Variants in CTH observed in about 807,000 individuals in gnomAD.
CTH encodes the protein cystathionine gamma-lyase.
A neutral mutation model predicts 50.6 loss-of-function variants in CTH; 41 were observed. The observed-to-expected ratio is 0.81, with a 90% CI of 0.63 to 1.05. The LOEUF (loss-of-function observed/expected upper bound fraction) is 1.05. CTH is among the 50% of genes least tolerant of loss of function. The pLI is 0.00. For missense variants in CTH, 470 were observed against 492.6 expected (o/e 0.95, Z 0.43); for synonymous variants, 156 against 168.9 (o/e 0.92, Z 0.59).
At chr1:70,414,237 G>A (rs1684038921) in intron 1 of CTH, among the ~76,000 whole-genome samples, 1 of 151,772 alleles carries the variant, frequency 6.6e-6, no homozygotes, top group Admixed American at 6.6e-5. Context: ...GCTCAGGTTG[G>A]GCGCGGTGGC....
chr1:70,419,003 T>C (rs144558656), intron 3 of CTH, among the ~76,000 whole-genome samples: 11,650 of 119,878 alleles, frequency 0.097, 708 homozygotes, highest in East Asian at 0.33. Context: ...GTCCCTGGTG[T>C]GTGATGTTCC....
In CTH at chr1:70,421,549, A is replaced by T; in HGVS notation, c.347-17A>T. 3.7e-6 allele frequency: 6 copies of T among 1,610,536 alleles called. No individual in the cohort carries two copies. The highest frequency in any genetic ancestry group is 5.1e-6 in the Non-Finnish European group (6 of 1,176,932). On this transcript the variant is annotated splice_polypyrimidine_tract_variant and intron_variant, in intron 3 of 11. Transcript: ENST00000370938. ...TGCAATGTTCTTTTCATTTTATCTGATTCCCTTCTGTCTCAGGTACAAACA... is the reference window on the plus strand; with the variant it reads ...TGCAATGTTCTTTTCATTTTATCTGTTTCCCTTCTGTCTCAGGTACAAACA...
chr1:70,434,314 C>T (rs1005853449), intron 9 of CTH, among the ~76,000 whole-genome samples: 6 of 152,178 alleles, frequency 3.9e-5, no homozygotes, highest in African/African-American at 1.4e-4. Context: ...TTTCCAAACC[C>T]TGTGCCTCCT....
chr1:70,427,335 C>G (rs185197539), intron 5 of CTH, among the ~76,000 whole-genome samples: 6 of 152,070 alleles, frequency 3.9e-5, no homozygotes, highest in African/African-American at 1.4e-4. Context: ...TTTTCTTAGT[C>G]CCCTTTCCTC....
At chr1:70,420,096 G>A (rs955903825) in intron 3 of CTH, among the ~76,000 whole-genome samples, 4 of 151,304 alleles carry the variant, frequency 2.6e-5, no homozygotes, top group Non-Finnish European at 5.9e-5. Flanking sequence ...GGGTTCAAGC[G>A]ATTCTCCTGT....
At chr1:70,429,478 A>C (rs1475306914) in intron 5 of CTH, among the ~76,000 whole-genome samples, 1 of 152,212 alleles carries the variant, frequency 6.6e-6, no homozygotes, top group Non-Finnish European at 1.5e-5. Flanking sequence ...TACTGTAGGT[A>C]ATAAATTTAG....
intron 5 of CTH, among the ~76,000 whole-genome samples, chr1:70,427,171 T>C (rs1281288634): frequency 6.6e-6 from 1 of 152,206 alleles, no homozygotes; most frequent in East Asian, 1.9e-4. Flanking sequence ...ATTCTCTTTC[T>C]TCCCAGTCTT....
chr1:70,437,325 T>C (rs1281264891), intron 10 of CTH, among the ~76,000 whole-genome samples: 1 of 152,194 alleles, frequency 6.6e-6, no homozygotes, highest in Non-Finnish European at 1.5e-5. Flanking sequence ...ACATTCCAAG[T>C]GCTTAGAAGT....
At chr1:70,429,492 C>T (rs1489941121) in intron 5 of CTH, among the ~76,000 whole-genome samples, 4 of 152,090 alleles carry the variant, frequency 2.6e-5, no homozygotes, top group African/African-American at 4.8e-5. Flanking sequence ...AATTTAGAGT[C>T]CTGTCAGCAA....
At chr1:70,427,991 G>A (rs191247442) in intron 5 of CTH, among the ~76,000 whole-genome samples, 1 of 152,320 alleles carries the variant, frequency 6.6e-6, no homozygotes, top group Non-Finnish European at 1.5e-5. Flanking sequence ...GGGATTACAG[G>A]CGTGAACCAC....
chr1:70,436,305 G>C (rs1478608746), intron 10 of CTH, among the ~76,000 whole-genome samples: 1 of 152,110 alleles, frequency 6.6e-6, no homozygotes, highest in African/African-American at 2.4e-5. Context: ...TCCAGCCTGG[G>C]TGATGCAGCG....
chr1:70,418,020 G>T lies in CTH; in HGVS notation c.334G>T (p.Asp112Tyr). 1 of 1,614,106 alleles carries T rather than the reference G, an allele frequency of 6.2e-7. No homozygotes were observed. The highest frequency in any genetic ancestry group is 1.7e-4 in the Middle Eastern group (1 of 6,060). The change falls in exon 3 of 12, where the codon GAT becomes TAT. Residue 112 changes from aspartate to tyrosine, a missense_variant. Transcript: ENST00000370938. The part of the protein sequence containing the change: ...KAGDQIICMD[D>Y]VYGGTNRYFR... ...AGGAGACCAAATTATTTGTATGGAT[G>T]ATGTGTATGGAGGTAGGTGACCCCT...
intron 10 of CTH, among the ~76,000 whole-genome samples, chr1:70,437,050 G>C (rs1684613341): frequency 6.6e-6 from 1 of 152,150 alleles, no homozygotes; most frequent in African/African-American, 2.4e-5. Flanking sequence ...TGCAATATGG[G>C]AGGAAGGAAG....
intron 3 of CTH, among the ~76,000 whole-genome samples, chr1:70,418,920 C>G (rs1684153299): frequency 6.6e-6 from 1 of 151,586 alleles, no homozygotes; most frequent in African/African-American, 2.4e-5. Flanking sequence ...TTAAGAACTT[C>G]CCATTAACTC....
Position 70,439,410 on chromosome 1 carries a change from T to C in CTH, c.*283T>C, listed in dbSNP as rs1287177876. 4 of 399,560 alleles carry C rather than the reference T, an allele frequency of 1.0e-5. No homozygotes were observed. Among genetic ancestry groups the C allele is most frequent in the African/African-American group, 2.0e-5 (1 of 49,838 alleles). The allele number at this position is 399,560 out of a possible 1,614,324, so 24.8% of individuals were successfully genotyped here. ...TGTGCTACTTTGGGAGATTATGTTCTTTTTTCATGTCTAAGATTTATTTTG... is the reference window on the plus strand; with the variant it reads ...TGTGCTACTTTGGGAGATTATGTTCCTTTTTCATGTCTAAGATTTATTTTG... On this transcript the variant is annotated 3_prime_UTR_variant, in exon 12 of 12. Coordinates refer to ENST00000370938, the MANE Select transcript of CTH (RefSeq NM_001902.6).
intron 10 of CTH, 129 bp downstream of exon 10, chr1:70,435,306 A>C: frequency 1.1e-6 from 1 of 870,072 alleles, no homozygotes; most frequent in Non-Finnish European, 1.8e-6. Flanking sequence ...ATTAATCAGA[A>C]TGGACTCTAA....
chr1:70,411,633 A>G (rs760755611), intron 1 of CTH, 50 bp downstream of exon 1: 3 of 1,581,732 alleles, frequency 1.9e-6, no homozygotes, highest in South Asian at 2.3e-5. Context: ...TAAAAGAGAT[A>G]CGGCTTATGA....
chr1:70,419,711 T>C (rs1246351636), intron 3 of CTH, among the ~76,000 whole-genome samples: 2 of 152,162 alleles, frequency 1.3e-5, no homozygotes, highest in Admixed American at 1.3e-4. Flanking sequence ...AAAAAAAATT[T>C]AAGAACTTCC....
intron 5 of CTH, among the ~76,000 whole-genome samples, chr1:70,425,132 ATATTATACATAT>A (rs1222567168): frequency 2.6e-5 from 4 of 152,168 alleles, no homozygotes; most frequent in African/African-American, 9.7e-5. Context: ...ATTTCAGTAT[ATATTATACATAT>A]TATTTCTCTT....
Sources: gnomAD v4.1 joint callset for allele counts (sites outside exome capture counted in the v4.1 genomes callset) on GRCh38, gnomAD v4.1.1 for gene constraint, MANE v1.5 for transcripts, NCBI Gene and HGNC (gene_info 2026-07-23, HGNC 2026-07-21) for gene names.